IDH1: variants seen among roughly 807,000 people sequenced by gnomAD.
IDH1 encodes isocitrate dehydrogenase (NADP(+)) 1, also known as isocitrate dehydrogenase [NADP] cytoplasmic.
A neutral mutation model predicts 46.1 loss-of-function variants in IDH1; 33 were observed. That is an observed-to-expected ratio of 0.72 (90% CI 0.54 to 0.96). IDH1 has a LOEUF of 0.96. IDH1 is among the 40% of genes least tolerant of loss of function. The pLI, the probability that IDH1 is intolerant of heterozygous loss-of-function variation, is 0.00. For missense variants in IDH1, 421 were observed against 515.7 expected (o/e 0.82, Z 1.78); for synonymous variants, 144 against 172.8 (o/e 0.83, Z 1.31).
Position 208,251,414 on chromosome 2 carries a change from G to A in IDH1, c.122+16C>T, listed in dbSNP as rs912343482. ...ATCCTTTCTGAGTTTGCTACACGGA[G>A]GGGTAACTCATTTACCTATGTAGAT... On this transcript the variant is annotated intron_variant, in intron 3 of 9. Transcript: ENST00000345146. 1.1e-5 allele frequency: 17 copies of A among 1,611,790 alleles called. No individual in the cohort carries two copies. The highest frequency in any genetic ancestry group is 1.4e-5 in the Non-Finnish European group (17 of 1,179,598).
At chr2:208,239,344 CT>C in intron 8 of IDH1, 111 bp from the exon 9 acceptor site, 1 of 1,028,748 alleles carries the variant, frequency 9.7e-7, no homozygotes. Flanking sequence ...TGACAGACTT[CT>C]TTAGATACTA....
intron 9 of IDH1, among the ~76,000 whole-genome samples, chr2:208,238,211 A>AT (rs1411494003): frequency 6.6e-6 from 1 of 151,596 alleles, no homozygotes; most frequent in Non-Finnish European, 1.5e-5. Context: ...AATTTTTTGT[A>AT]TTTTTAGTGG....
At chr2:208,238,987 A>G (rs1256906532) in intron 9 of IDH1, 84 bp downstream of exon 9, 5 of 1,200,704 alleles carry the variant, frequency 4.2e-6, no homozygotes, top group East Asian at 4.7e-5. Context: ...AACAATTTAT[A>G]TAATTCCAGA....
At chr2:208,238,037 A>C (rs1254670195) in intron 9 of IDH1, among the ~76,000 whole-genome samples, 1 of 150,502 alleles carries the variant, frequency 6.6e-6, no homozygotes, top group Non-Finnish European at 1.5e-5. Flanking sequence ...GAACACTGCA[A>C]TCTTTTTTTT....
chr2:208,249,957 T>C (rs1410126778), intron 3 of IDH1, among the ~76,000 whole-genome samples: 2 of 152,202 alleles, frequency 1.3e-5, no homozygotes, highest in African/African-American at 4.8e-5. Flanking sequence ...TTGCTTGTCT[T>C]CTTAACATTT....
In IDH1 at chr2:208,236,409, A is replaced by G. The variant is rs1400793687; in HGVS notation, c.*670T>C. The G allele has an allele frequency of 4.3e-6, 1 of 231,198 alleles. No individual in the cohort carries two copies. The highest frequency in any genetic ancestry group is 2.2e-5 in the African/African-American group (1 of 45,214). The allele number at this position is 231,198 out of a possible 1,614,324, so 14.3% of individuals were successfully genotyped here. ...TGAAATATGCTATTTAGAGTAGTAT[A>G]ATATTCAGGCCAGGCCAGGAGGAGA... On this transcript the variant is annotated 3_prime_UTR_variant, in exon 10 of 10. Transcript: ENST00000345146.
chr2:208,236,375 G>A lies in IDH1; in HGVS notation c.*704C>T, dbSNP rs557788219. 4.4e-6 allele frequency: 1 copy of A among 229,308 alleles called. No homozygotes were observed. The highest frequency in any genetic ancestry group is 5.7e-5 in the Admixed American group (1 of 17,624). The allele number at this position is 229,308 out of a possible 1,614,324, so 14.2% of individuals were successfully genotyped here. ...CAAAAAAGATTCAGCTTACATTATT[G>A]CACTTGGATGAAATATGCTATTTAG... On this transcript the variant is annotated 3_prime_UTR_variant, in exon 10 of 10. Coordinates refer to ENST00000345146, the MANE Select transcript of IDH1 (RefSeq NM_005896.4).
chr2:208,251,244 C>CT (rs946807019), intron 3 of IDH1, 186 bp downstream of exon 3: 44 of 486,330 alleles, frequency 9.0e-5, no homozygotes, highest in Middle Eastern at 5.4e-4. Context: ...TTCTCCTTCC[C>CT]TTTTTTTTCC....
At chr2:208,245,945 A>G (rs1275069303) in intron 4 of IDH1, among the ~76,000 whole-genome samples, 1 of 152,192 alleles carries the variant, frequency 6.6e-6, no homozygotes, top group Non-Finnish European at 1.5e-5. Context: ...TAAATGCTTA[A>G]CTTGCATAAT....
Position 208,236,475 on chromosome 2 carries a change from T to C in IDH1, c.*604A>G, listed in dbSNP as rs1399972153. On this transcript the variant is annotated 3_prime_UTR_variant, in exon 10 of 10. Transcript: ENST00000345146. ...AGGACAAACCTCCAGGTAGTATTTA[T>C]TCCGGATTCCAAACTCTCCTGCGGC... The C allele has an allele frequency of 4.3e-6, 1 of 232,744 alleles. No individual in the cohort carries two copies. Among genetic ancestry groups the C allele is most frequent in the Non-Finnish European group, 8.5e-6 (1 of 117,890 alleles). The allele number at this position is 232,744 out of a possible 1,614,324, so 14.4% of individuals were successfully genotyped here.
chr2:208,239,102 C>G lies in IDH1; in HGVS notation c.1123G>C (p.Asp375His), dbSNP rs2124847222. ...ETIEAGFMTK[D>H]LAACIKGLPN... is the part of the protein sequence containing the mutation. ...AAACCTTTAATGCAAGCAGCCAAGT[C>G]CTTGGTCATGAAGCCAGCCTCAATT... Residue 375 changes from aspartate (D) to histidine (H), a missense_variant, in exon 9 of 10, where the codon GAC (aspartate) becomes CAC (histidine). Coordinates refer to ENST00000345146, the MANE Select transcript of IDH1 (RefSeq NM_005896.4). 6.2e-7 allele frequency: 1 copy of G among 1,613,968 alleles called. No homozygotes were observed. Among genetic ancestry groups the G allele is most frequent in the Non-Finnish European group, 8.5e-7 (1 of 1,179,876 alleles).
chr2:208,250,350 G>A (rs1469756504), intron 3 of IDH1, among the ~76,000 whole-genome samples: 1 of 134,406 alleles, frequency 7.4e-6, no homozygotes, highest in Non-Finnish European at 1.6e-5. Context: ...AATTTCTTAT[G>A]TTTGGTTGAC....
chr2:208,239,930 G>A lies in IDH1; in HGVS notation c.924C>T (p.Ala308=), dbSNP rs1386874132. 5.0e-6 allele frequency: 8 copies of A among 1,614,084 alleles called. No individual in the cohort carries two copies. Among genetic ancestry groups the A allele is most frequent in the Non-Finnish European group, 6.8e-6 (8 of 1,179,984 alleles). Residue 308 remains alanine, a synonymous_variant, in exon 8 of 10, where the codon GCC becomes GCT. Coordinates refer to ENST00000345146, the MANE Select transcript of IDH1 (RefSeq NM_005896.4). The stretch of plus-strand genomic sequence containing the variant: ...GGTAGTGACGGGTTACAGTCCCGTG[G>A]GCAGCCTCTGCTTCTACTGTCTTGC... The part of the protein sequence containing the change: ...PDGKTVEAEA[A]HGTVTRHYRM...
At position 208,240,002 on chromosome 2, in the gene IDH1, C is replaced by T. The variant is rs755404974; in HGVS notation, c.852G>A (p.Gly284=). ...TGGTCATCATGCCGAGAGAGCCATA[C>T]CCTGTAAGTAGTGGAGCATGAAGCG... ...GDVQSDSVAQ[G]YGSLGMMTSV... Residue 284 remains glycine (G), a splice_region_variant and synonymous_variant, in exon 8 of 10, where the codon GGG becomes GGA. Coordinates refer to ENST00000345146, the MANE Select transcript of IDH1 (RefSeq NM_005896.4). 5.4e-5 allele frequency: 87 copies of T among 1,614,066 alleles called. 1 individual carries two copies. In the South Asian group the frequency reaches 9.0e-4, roughly 17 times the overall value.
At chr2:208,246,555 C>T (rs1688025159) in intron 4 of IDH1, among the ~76,000 whole-genome samples, 1 of 150,548 alleles carries the variant, frequency 6.6e-6, no homozygotes, top group African/African-American at 2.4e-5. Context: ...GTCCATGAAT[C>T]AACCTGAGGT....
intron 2 of IDH1, among the ~76,000 whole-genome samples, chr2:208,252,272 T>C (rs1688139050): frequency 6.6e-6 from 1 of 152,192 alleles, no homozygotes; most frequent in Non-Finnish European, 1.5e-5. Flanking sequence ...ATTAGAAGAA[T>C]CTCTATACAG....
In IDH1 at chr2:208,243,505, A is replaced by C. The variant is rs768250871; in HGVS notation, c.620T>G (p.Leu207Trp). 2 of 1,614,090 alleles carry C rather than the reference A, an allele frequency of 1.2e-6. No individual in the cohort carries two copies. The highest frequency in any genetic ancestry group is 4.5e-5 in the East Asian group (2 of 44,880). Residue 207 changes from leucine to tryptophan, a missense_variant, in exon 6 of 10, where the codon TTG becomes TGG. By Grantham distance (61) the Leu-to-Trp change is moderately conservative. Transcript: ENST00000345146. ...AATAGTGTTTTTGGTGCTCAGATAC[A>C]AAGGCCAACCCTTAGACAGAGCCAT... Reference protein sequence around the residue: ...FQMALSKGWPLYLSTKNTILK... With the variant: ...FQMALSKGWPWYLSTKNTILK...
intron 2 of IDH1, among the ~76,000 whole-genome samples, chr2:208,253,523 ATG>A (rs753604974): frequency 1.4e-3 from 212 of 152,372 alleles, no homozygotes; most frequent in Non-Finnish European, 2.2e-3. Flanking sequence ...ACCAGCTCAT[ATG>A]AAGTAGCTGA....
rs1687814374 is a variant in IDH1 at position 208,236,465 on chromosome 2, G to T, written c.*614C>A. 4.3e-6 allele frequency: 1 copy of T among 232,782 alleles called. No homozygotes were observed. Among genetic ancestry groups the T allele is most frequent in the African/African-American group, 2.2e-5 (1 of 45,274 alleles). 14.4% of individuals were successfully genotyped at this position (232,782 alleles called of 1,614,324 possible). Reference sequence around the variant, plus strand: ...AAAAATGGAGAGGACAAACCTCCAGGTAGTATTTATTCCGGATTCCAAACT... The same window carrying T: ...AAAAATGGAGAGGACAAACCTCCAGTTAGTATTTATTCCGGATTCCAAACT... On this transcript the variant is annotated 3_prime_UTR_variant, in exon 10 of 10. Coordinates refer to ENST00000345146, the MANE Select transcript of IDH1 (RefSeq NM_005896.4).
Sources: gnomAD v4.1 joint callset for allele counts (sites outside exome capture counted in the v4.1 genomes callset) on GRCh38, gnomAD v4.1.1 for gene constraint, MANE v1.5 for transcripts, NCBI Gene and HGNC (gene_info 2026-07-23, HGNC 2026-07-21) for gene names.